The following NCKAP5 variants were observed in gnomAD, a reference collection of about 807,000 sequenced individuals.
NCKAP5 encodes the protein nck-associated protein 5.
A neutral mutation model predicts 167.0 loss-of-function variants in NCKAP5; 92 were observed. The ratio of observed to expected loss-of-function variants is 0.55; its 90% confidence interval spans 0.47 to 0.66. The LOEUF (loss-of-function observed/expected upper bound fraction) is 0.66. NCKAP5 is among the 30% of genes least tolerant of loss of function. The probability of loss-of-function intolerance (pLI) is 0.00; values close to 1 mark genes in which losing one functional copy is unlikely to be tolerated. For synonymous variants in NCKAP5, 891 were observed against 877.4 expected (o/e 1.02, Z -0.27); for missense variants, 2,378 against 2,315.0 (o/e 1.03, Z -0.56).
intron 2 of NCKAP5, among the ~76,000 whole-genome samples, chr2:133,531,606 T>C (rs1415101904): frequency 6.6e-6 from 1 of 152,162 alleles, no homozygotes. Context: ...TCATACAGCA[T>C]TGACCAGGGA....
the NCKAP5 span, among the ~76,000 whole-genome samples, chr2:133,674,146 T>C: frequency 6.6e-6 from 1 of 151,884 alleles, no homozygotes; most frequent in Non-Finnish European, 1.5e-5. Context: ...CCAGTGAATA[T>C]CAGAATAAAG....
At chr2:132,884,082 TAC>T (rs1692015803) in intron 8 of NCKAP5, among the ~76,000 whole-genome samples, 1 of 152,206 alleles carries the variant, frequency 6.6e-6, no homozygotes, top group African/African-American at 2.4e-5. Context: ...TTCTTCAGGT[TAC>T]AGTTTTGATC....
At chr2:133,141,753 C>T (rs115200249) in intron 5 of NCKAP5, among the ~76,000 whole-genome samples, 6 of 152,224 alleles carry the variant, frequency 3.9e-5, no homozygotes, top group East Asian at 1.9e-4. Context: ...TTTCTTTAAA[C>T]GAAGACTTGA....
chr2:133,390,198 A>T (rs1457315309), intron 3 of NCKAP5, among the ~76,000 whole-genome samples: 1 of 152,220 alleles, frequency 6.6e-6, no homozygotes, highest in Non-Finnish European at 1.5e-5. Context: ...ATGCCTGTGT[A>T]TATGTCGCAG....
chr2:133,257,490 C>G (rs181295251), intron 4 of NCKAP5, among the ~76,000 whole-genome samples: 2 of 151,948 alleles, frequency 1.3e-5, no homozygotes, highest in Admixed American at 6.6e-5. Context: ...AAGACACTTA[C>G]GATAACTACT....
chr2:133,139,339 T>C (rs1198553879), intron 5 of NCKAP5, among the ~76,000 whole-genome samples: 1 of 152,114 alleles, frequency 6.6e-6, no homozygotes, highest in Non-Finnish European at 1.5e-5. Flanking sequence ...TGTCTACAAG[T>C]GGGGTGTGTG....
intron 7 of NCKAP5, among the ~76,000 whole-genome samples, chr2:132,975,973 G>C (rs1358338458): frequency 6.6e-6 from 1 of 152,118 alleles, no homozygotes; most frequent in Non-Finnish European, 1.5e-5. Flanking sequence ...CTAGAGTATT[G>C]CTGTCTATTG....
At chr2:133,501,671 C>A (rs893521238) in intron 3 of NCKAP5, among the ~76,000 whole-genome samples, 3 of 152,160 alleles carry the variant, frequency 2.0e-5, no homozygotes, top group African/African-American at 7.2e-5. Flanking sequence ...GGTGTGTATA[C>A]AAAGAATGCA....
chr2:133,453,398 T>C (rs575891569), intron 3 of NCKAP5, among the ~76,000 whole-genome samples: 1 of 152,120 alleles, frequency 6.6e-6, no homozygotes, highest in Non-Finnish European at 1.5e-5. Flanking sequence ...CCACTTAAAA[T>C]AATCTGATAA....
chr2:133,235,129 T>C (rs553252220), intron 4 of NCKAP5, among the ~76,000 whole-genome samples: 2 of 151,930 alleles, frequency 1.3e-5, no homozygotes, highest in Admixed American at 1.3e-4. Flanking sequence ...TCAGTCTTCA[T>C]TACTCACACA....
intron 8 of NCKAP5, among the ~76,000 whole-genome samples, chr2:132,949,572 T>C (rs921234534): frequency 3.3e-5 from 5 of 152,182 alleles, no homozygotes; most frequent in African/African-American, 1.2e-4. Context: ...GAGCTTCACC[T>C]TGAAGCCCCC....
intron 12 of NCKAP5, among the ~76,000 whole-genome samples, chr2:132,793,173 C>A (rs7576040): frequency 0.073 from 11,082 of 152,188 alleles, 826 homozygotes; most frequent in African/African-American, 0.17. Context: ...CCACACCTGG[C>A]TAATTTTGTA....
intron 6 of NCKAP5, among the ~76,000 whole-genome samples, chr2:133,017,730 C>CCA (rs200518205): frequency 0.014 from 2,057 of 151,866 alleles, 42 homozygotes; most frequent in African/African-American, 0.047. Flanking sequence ...TTCCCCGCCC[C>CCA]CCCACTGTTT....
chr2:133,354,472 TATC>T (rs1684576423), intron 3 of NCKAP5, among the ~76,000 whole-genome samples: 2 of 152,120 alleles, frequency 1.3e-5, no homozygotes. Flanking sequence ...TATCATTACA[TATC>T]ATGTTGGGTT....
At chr2:133,641,004 A>G in the NCKAP5 span, among the ~76,000 whole-genome samples, 11 of 152,302 alleles carry the variant, frequency 7.2e-5, no homozygotes, top group South Asian at 1.0e-3. Context: ...ATTGTACTCA[A>G]TTTCTCTCTT....
chr2:132,804,950 T>G (rs958273919), intron 11 of NCKAP5, among the ~76,000 whole-genome samples: 1 of 151,966 alleles, frequency 6.6e-6, no homozygotes, highest in African/African-American at 2.4e-5. Flanking sequence ...GATAACATCA[T>G]TGCTATCTTT....
At chr2:133,598,110 T>C in the NCKAP5 span, among the ~76,000 whole-genome samples, 12,730 of 152,284 alleles carry the variant, frequency 0.084, 551 homozygotes, top group Non-Finnish European at 0.1. Context: ...AAGTGAGTTA[T>C]TGAACCTCTC....
chr2:132,982,951 T>C (rs376945543), intron 7 of NCKAP5, among the ~76,000 whole-genome samples: 1 of 152,226 alleles, frequency 6.6e-6, no homozygotes, highest in Non-Finnish European at 1.5e-5. Context: ...TGTCTTTTCA[T>C]GAGATGTCTT....
chr2:132,917,628 C>T (rs1245656726), intron 8 of NCKAP5, among the ~76,000 whole-genome samples: 1 of 152,172 alleles, frequency 6.6e-6, no homozygotes. Flanking sequence ...AATATTATTT[C>T]ACATTCTTTG....
Sources: allele counts gnomAD v4.1 joint callset (sites outside exome capture counted in the v4.1 genomes callset), GRCh38; gene constraint gnomAD v4.1.1; transcripts MANE v1.5; gene names NCBI Gene and HGNC (gene_info 2026-07-23, HGNC 2026-07-21).